Variants in CNTNAP2 observed in about 807,000 individuals in gnomAD.
CNTNAP2 encodes contactin-associated protein-like 2.
Under a neutral mutation model 155.2 loss-of-function variants are expected in CNTNAP2, and 98 were observed. That is an observed-to-expected ratio of 0.63 (90% confidence interval 0.54 to 0.75). The LOEUF is 0.75. Among genes scored for constraint, CNTNAP2 ranks in the 30% least tolerant of loss-of-function variants. CNTNAP2 has a pLI of 0.00. For synonymous variants in CNTNAP2, 651 were observed against 631.2 expected, an observed-to-expected ratio of 1.03 and a Z score of -0.47; for missense variants, 1,727 against 1,688.1, an observed-to-expected ratio of 1.02 and a Z score of -0.40.
intron 9 of CNTNAP2, among the ~76,000 whole-genome samples, chr7:147,300,847 C>A (rs1231970249): frequency 6.6e-6 from 1 of 151,940 alleles, no homozygotes; most frequent in Non-Finnish European, 1.5e-5. Context: ...TTCTGTAATA[C>A]CTTTCTTCTT....
intron 1 of CNTNAP2, among the ~76,000 whole-genome samples, chr7:146,709,653 C>T (rs1447763187): frequency 1.3e-5 from 2 of 152,152 alleles, no homozygotes; most frequent in African/African-American, 2.4e-5. Flanking sequence ...TGGCAGTGTG[C>T]AGTCTGGATG....
At chr7:147,052,048 A>G (rs142528869) in intron 4 of CNTNAP2, among the ~76,000 whole-genome samples, 215 of 152,192 alleles carry the variant, frequency 1.4e-3, no homozygotes, top group Non-Finnish European at 2.6e-3. Context: ...CATTGGAGAT[A>G]CTTTCTCTAA....
intron 13 of CNTNAP2, among the ~76,000 whole-genome samples, chr7:147,827,639 G>C (rs1044880014): frequency 6.6e-6 from 1 of 151,976 alleles, no homozygotes; most frequent in Non-Finnish European, 1.5e-5. Context: ...TTCTTGCCAA[G>C]CTTTGGGTTT....
At chr7:147,699,248 C>T (rs78077378) in intron 13 of CNTNAP2, among the ~76,000 whole-genome samples, 5 of 143,820 alleles carry the variant, frequency 3.5e-5, no homozygotes, top group Admixed American at 2.1e-4. Context: ...AAAAAAAAAA[C>T]GCTTTTTAAA....
In CNTNAP2 at chr7:148,129,316, G is replaced by A. The variant is rs539091061; in HGVS notation, c.2554+11028G>A. Among the ~76,000 whole-genome samples, 14 of 152,226 alleles carry A rather than the reference G, an allele frequency of 9.2e-5. No homozygotes were observed. In the East Asian group the frequency reaches 1.4e-3, roughly 15 times the overall value. The stretch of plus-strand genomic sequence containing the variant: ...AGACATTACATTGTACATACATGAC[G>A]GTATGTCCTGATTTCTTTCATGCGA... On this transcript the variant is annotated intron_variant, in intron 16 of 23. Transcript: ENST00000361727.
chr7:146,235,244 G>T (rs1421633884), intron 1 of CNTNAP2, among the ~76,000 whole-genome samples: 2 of 150,916 alleles, frequency 1.3e-5, no homozygotes, highest in Admixed American at 6.6e-5. Context: ...TTTTAATTGG[G>T]AATCTTAGAT....
At chr7:147,979,969 A>T (rs1269525700) in intron 15 of CNTNAP2, among the ~76,000 whole-genome samples, 1 of 152,214 alleles carries the variant, frequency 6.6e-6, no homozygotes, top group Non-Finnish European at 1.5e-5. Context: ...TTCTAGGAAC[A>T]TTAAATAGTA....
intron 13 of CNTNAP2, among the ~76,000 whole-genome samples, chr7:147,768,654 C>T (rs956665159): frequency 6.6e-6 from 1 of 152,016 alleles, no homozygotes; most frequent in Non-Finnish European, 1.5e-5. Context: ...CAATTGATGA[C>T]TGATGTGCTT....
chr7:146,987,492 A>T (rs1798133314), intron 3 of CNTNAP2, among the ~76,000 whole-genome samples: 1 of 152,102 alleles, frequency 6.6e-6, no homozygotes, highest in African/African-American at 2.4e-5. Flanking sequence ...TATGCAAATT[A>T]TGATAATCAT....
chr7:147,810,683 C>A (rs567283987), intron 13 of CNTNAP2, among the ~76,000 whole-genome samples: 1 of 152,268 alleles, frequency 6.6e-6, no homozygotes, highest in Admixed American at 6.5e-5. Flanking sequence ...AAAGAGATCA[C>A]TAAAATCAAA....
intron 1 of CNTNAP2, among the ~76,000 whole-genome samples, chr7:146,420,880 T>C (rs1311405241): frequency 6.6e-6 from 1 of 152,098 alleles, no homozygotes; most frequent in Non-Finnish European, 1.5e-5. Flanking sequence ...TCTTTGGGGA[T>C]TAATGAATGA....
At chr7:147,737,724 C>A (rs1337991369) in intron 13 of CNTNAP2, among the ~76,000 whole-genome samples, 10 of 152,198 alleles carry the variant, frequency 6.6e-5, no homozygotes, top group African/African-American at 2.4e-4. Flanking sequence ...ATGGCGGGCA[C>A]CCCTCCCCCA....
At chr7:147,511,100 G>C (rs1259176172) in intron 11 of CNTNAP2, among the ~76,000 whole-genome samples, 2 of 151,696 alleles carry the variant, frequency 1.3e-5, no homozygotes, top group East Asian at 3.9e-4. Context: ...TATATGTGAG[G>C]AAGCATTATT....
intron 13 of CNTNAP2, among the ~76,000 whole-genome samples, chr7:147,705,958 T>C (rs1187544236): frequency 1.3e-5 from 2 of 152,042 alleles, no homozygotes; most frequent in African/African-American, 4.8e-5. Context: ...ATAAATTTCT[T>C]GTGGGTGGAA....
At chr7:146,145,015 G>A (rs185526378) in intron 1 of CNTNAP2, among the ~76,000 whole-genome samples, 19 of 152,226 alleles carry the variant, frequency 1.2e-4, no homozygotes, top group Admixed American at 1.2e-3. Context: ...TGATGGATTT[G>A]ATGAATTTTG....
At chr7:148,228,012 TA>T (rs1188693853) in intron 19 of CNTNAP2, among the ~76,000 whole-genome samples, 1 of 152,066 alleles carries the variant, frequency 6.6e-6, no homozygotes, top group Non-Finnish European at 1.5e-5. Context: ...GACTTTCTTT[TA>T]TTTTTTTTCT....
chr7:147,109,187 T>C (rs1463539040), intron 5 of CNTNAP2, among the ~76,000 whole-genome samples: 2 of 150,118 alleles, frequency 1.3e-5, no homozygotes, highest in Non-Finnish European at 3.0e-5. Flanking sequence ...AACTTCTGCA[T>C]AGTTTGGGTG....
intron 14 of CNTNAP2, among the ~76,000 whole-genome samples, chr7:147,961,243 C>A (rs1336513639): frequency 6.6e-6 from 1 of 152,090 alleles, no homozygotes; most frequent in Non-Finnish European, 1.5e-5. Flanking sequence ...ATGAAAAAAT[C>A]CATGTATCTT....
Position 147,364,895 on chromosome 7 carries a change from G to A in CNTNAP2, c.1499-30714G>A, listed in dbSNP as rs565078253. Among the ~76,000 whole-genome samples, 7 of 151,844 alleles carry A rather than the reference G, an allele frequency of 4.6e-5. No individual in the cohort carries two copies. In the South Asian group the frequency reaches 1.0e-3, roughly 23 times the overall value. On this transcript the variant is annotated intron_variant, in intron 9 of 23. Coordinates refer to ENST00000361727, the MANE Select transcript of CNTNAP2 (RefSeq NM_014141.6). ...TAGCCATGTTAAAAATTACTTTGGC[G>A]TTTTAAAAATGTTTAATTTTGATAT...
Sources: gnomAD v4.1 joint callset for allele counts (sites outside exome capture counted in the v4.1 genomes callset) on GRCh38, gnomAD v4.1.1 for gene constraint, MANE v1.5 for transcripts, NCBI Gene and HGNC (gene_info 2026-07-23, HGNC 2026-07-21) for gene names.